Variants in LPIN3 observed in about 807,000 individuals in gnomAD.
LPIN3 encodes lipin 3, also known as phosphatidate phosphatase LPIN3.
Under a neutral mutation model 94.7 loss-of-function variants are expected in LPIN3, and 82 were observed. The observed-to-expected ratio is 0.87, with a 90% CI of 0.72 to 1.04. LPIN3 has a LOEUF of 1.04. Ranked by LOEUF, LPIN3 falls within the 50% of genes least tolerant of loss-of-function variation. The probability of loss-of-function intolerance (pLI) is 0.00; values close to 1 mark genes in which losing one functional copy is unlikely to be tolerated. For missense variants in LPIN3, 996 were observed against 1,090.5 expected, an observed-to-expected ratio of 0.91 and a Z score of 1.22; for synonymous variants, 418 against 443.3, an observed-to-expected ratio of 0.94 and a Z score of 0.72.
intron 19 of LPIN3, 77 bp downstream of exon 19, chr20:41,358,619 A>G: frequency 6.2e-7 from 1 of 1,602,226 alleles, no homozygotes; most frequent in Non-Finnish European, 8.5e-7. Context: ...CCCCAATTTT[A>G]CCTCTTACCG....
intron 1 of LPIN3, among the ~76,000 whole-genome samples, chr20:41,343,346 G>A (rs1329485483): frequency 6.6e-6 from 1 of 152,194 alleles, no homozygotes; most frequent in African/African-American, 2.4e-5. Flanking sequence ...CAGTGGTTTA[G>A]AGGTCTGCCC....
chr20:41,357,020 C>T lies in LPIN3; in HGVS notation c.1804-20C>T. The stretch of plus-strand genomic sequence containing the variant: ...CTGGCTGTCATCAATCACGACACAC[C>T]CCCCTTTGTCTGGCCTCAGCGGCGC... On this transcript the variant is annotated intron_variant, in intron 14 of 19. Coordinates refer to ENST00000373257, the MANE Select transcript of LPIN3 (RefSeq NM_022896.3). 1 of 1,605,370 alleles carries T rather than the reference C, an allele frequency of 6.2e-7. No individual in the cohort carries two copies.
At chr20:41,352,366 C>A in intron 9 of LPIN3, 146 bp downstream of exon 9, 1 of 993,920 alleles carries the variant, frequency 1.0e-6, no homozygotes, top group Non-Finnish European at 1.5e-6. Context: ...CCACACTCCG[C>A]CAGCAGGGGC....
chr20:41,357,788 T>C, intron 16 of LPIN3, 94 bp from the exon 17 acceptor site: 1 of 1,515,530 alleles, frequency 6.6e-7, no homozygotes, highest in Non-Finnish European at 9.0e-7. Context: ...AACATCAGAG[T>C]CCCACAGTTG....
In LPIN3 at chr20:41,359,085, T is replaced by C. The variant is rs1246562826; in HGVS notation, c.*219T>C. ...TCCAGGCGTCAGTGTGGCACTGTCC[T>C]GGGGCAATTAGCTTGTCATCTGGGC... is the stretch of plus-strand genomic sequence containing the variant. On this transcript the variant is annotated 3_prime_UTR_variant, in exon 20 of 20. Coordinates refer to ENST00000373257, the MANE Select transcript of LPIN3 (RefSeq NM_022896.3). 1 of 373,400 alleles carries C rather than the reference T, an allele frequency of 2.7e-6. No individual in the cohort carries two copies. The highest frequency in any genetic ancestry group is 4.3e-5 in the Admixed American group (1 of 23,198). The allele number at this position is 373,400 out of a possible 1,614,324, so 23.1% of individuals were successfully genotyped here.
At chr20:41,354,564 C>G (rs374084599) in intron 11 of LPIN3, 81 bp from the exon 12 acceptor site, 1 of 1,373,974 alleles carries the variant, frequency 7.3e-7, no homozygotes, top group Non-Finnish European at 9.9e-7. Flanking sequence ...TGGGCTCATG[C>G]GTGGAGGGTC....
Position 41,357,867 on chromosome 20 carries a change from G to A in LPIN3, c.2040-15G>A. 6.2e-7 allele frequency: 1 copy of A among 1,613,940 alleles called. No homozygotes were observed. Among genetic ancestry groups the A allele is most frequent in the Non-Finnish European group, 8.5e-7 (1 of 1,179,958 alleles). On this transcript the variant is annotated splice_polypyrimidine_tract_variant and intron_variant, in intron 16 of 19. Coordinates refer to ENST00000373257, the MANE Select transcript of LPIN3 (RefSeq NM_022896.3). ...GTCTCTGATGGCTCTATGCCACCCT[G>A]TCCCCCACTCTCAGAAATGGGTACA...
intron 5 of LPIN3, 112 bp from the exon 6 acceptor site, chr20:41,349,662 T>C (rs983851491): frequency 1.2e-5 from 15 of 1,297,594 alleles, no homozygotes; most frequent in Non-Finnish European, 1.6e-5. Flanking sequence ...TTATATATTA[T>C]GGATTCAACA....
At chr20:41,345,294 C>T (rs1309301448) in intron 1 of LPIN3, among the ~76,000 whole-genome samples, 3 of 152,330 alleles carry the variant, frequency 2.0e-5, no homozygotes, top group African/African-American at 7.2e-5. Flanking sequence ...CCAGTGGAAC[C>T]ACACAAACCT....
At position 41,354,856 on chromosome 20, in the gene LPIN3, C is replaced by G; in HGVS notation, c.1657C>G (p.Gln553Glu). The G allele has an allele frequency of 6.4e-7, 1 of 1,566,956 alleles. No individual in the cohort carries two copies. The highest frequency in any genetic ancestry group is 8.7e-7 in the Non-Finnish European group (1 of 1,155,578). ...AQKEKTAAKEQQGEKTEVLSS... is the reference protein window; with the variant it reads ...AQKEKTAAKEEQGEKTEVLSS... ...GAAGGAGAAGACTGCAGCCAAGGAG[C>G]AGCAGGGGTGAGTGAGACCCCCTAT... Residue 553 changes from glutamine (Q) to glutamate (E), a missense_variant, in exon 13 of 20, where the codon CAG (glutamine) becomes GAG (glutamate). Transcript: ENST00000373257.
chr20:41,356,569 G>T (rs957687516), intron 14 of LPIN3, among the ~76,000 whole-genome samples: 5 of 152,196 alleles, frequency 3.3e-5, no homozygotes, highest in African/African-American at 1.2e-4. Flanking sequence ...GTGGGAAGCG[G>T]CCCTGATCCT....
In LPIN3 at chr20:41,345,950, C is replaced by T. The variant is rs370435400; in HGVS notation, c.147C>T (p.His49=). The change falls in exon 2 of 20, where the codon CAC becomes CAT. Residue 49 remains histidine (H), a synonymous_variant. Coordinates refer to ENST00000373257, the MANE Select transcript of LPIN3 (RefSeq NM_022896.3). ...VDGSFRCSPF[H]VRFGKLGVLR... ...GCTCGTTCCGGTGCTCACCCTTCCA[C>T]GTGCGTTTTGGCAAGCTGGGCGTCC... The T allele has an allele frequency of 5.6e-5, 91 of 1,614,166 alleles. No individual in the cohort carries two copies. Among genetic ancestry groups the T allele is most frequent in the East Asian group, 4.9e-4 (22 of 44,882 alleles).
intron 18 of LPIN3, 29 bp downstream of exon 18, chr20:41,358,380 C>T (rs1375681035): frequency 6.2e-7 from 1 of 1,612,722 alleles, no homozygotes; most frequent in South Asian, 1.1e-5. Flanking sequence ...CTCTGCTGAG[C>T]CACCTCTCCC....
rs765297193 is a variant in LPIN3, at chr20:41,357,991, C to G, written c.2149C>G (p.Pro717Ala). 1 of 1,612,024 alleles carries G rather than the reference C, an allele frequency of 6.2e-7. No individual in the cohort carries two copies. Among genetic ancestry groups the G allele is most frequent in the Non-Finnish European group, 8.5e-7 (1 of 1,179,134 alleles). The change falls in exon 17 of 20, where the codon CCC becomes GCC. Residue 717 changes from proline to alanine, a missense_variant. Transcript: ENST00000373257. ...SEGGCSLPKG[P>A]ILLSPSSLFS... ...GGGGGGCTGTAGCCTCCCCAAGGGC[C>G]CCATCCTTCTGTCTCCCAGCAGCCT...
At position 41,357,112 on chromosome 20, in the gene LPIN3, C is replaced by T. The variant is rs772286289; in HGVS notation, c.1876C>T (p.Arg626Cys). 6.8e-6 allele frequency: 11 copies of T among 1,614,136 alleles called. No homozygotes were observed. The highest frequency in any genetic ancestry group is 1.7e-4 in the Middle Eastern group (1 of 6,058). Residue 626 changes from arginine (R) to cysteine (C), a missense_variant, in exon 15 of 20, where the codon CGC becomes TGC. Transcript: ENST00000373257. ...GACCACTCAGTACCAGGGCACCTGCCGCTGCAAGGCCACCATCTACCTGTG... is the reference window on the plus strand; with the variant it reads ...GACCACTCAGTACCAGGGCACCTGCTGCTGCAAGGCCACCATCTACCTGTG... ...SVTTQYQGTC[R>C]CKATIYLWKW...
chr20:41,353,985 C>T (rs900522015), intron 11 of LPIN3, among the ~76,000 whole-genome samples: 12 of 152,338 alleles, frequency 7.9e-5, no homozygotes, highest in African/African-American at 2.9e-4. Context: ...AGCCTGTTCC[C>T]AGCTCAAGGG....
intron 7 of LPIN3, 23 bp downstream of exon 7, chr20:41,350,420 C>T (rs775104791): frequency 1.3e-6 from 2 of 1,523,208 alleles, no homozygotes; most frequent in South Asian, 2.5e-5. Flanking sequence ...GGGTCTCTCC[C>T]ACTGCCTCCC....
Position 41,354,859 on chromosome 20 carries a change from C to T in LPIN3, c.1660C>T (p.Gln554Ter), listed in dbSNP as rs1434165117. Residue 554 changes from glutamine (Q) to a stop codon, truncating the protein, a stop_gained, in exon 13 of 20, where the codon CAG becomes TAG. Coordinates refer to ENST00000373257, the MANE Select transcript of LPIN3 (RefSeq NM_022896.3). LOFTEE classifies it high-confidence loss of function. Reference sequence around the variant, plus strand: ...GGAGAAGACTGCAGCCAAGGAGCAGCAGGGGTGAGTGAGACCCCCTATTGG... The same window carrying T: ...GGAGAAGACTGCAGCCAAGGAGCAGTAGGGGTGAGTGAGACCCCCTATTGG... ...QKEKTAAKEQ[Q>*]GEKTEVLSSD... 1.3e-6 allele frequency: 2 copies of T among 1,564,188 alleles called. No homozygotes were observed. Among genetic ancestry groups the T allele is most frequent in the East Asian group, 2.4e-5 (1 of 41,878 alleles).
At chr20:41,353,516 G>A (rs1216774899) in intron 11 of LPIN3, among the ~76,000 whole-genome samples, 2 of 152,228 alleles carry the variant, frequency 1.3e-5, no homozygotes, top group Admixed American at 6.5e-5. Context: ...TGCCCGCTGT[G>A]CAGAGATTGA....
Sources: allele counts gnomAD v4.1 joint callset (sites outside exome capture counted in the v4.1 genomes callset), GRCh38; gene constraint gnomAD v4.1.1; transcripts MANE v1.5; gene names NCBI Gene and HGNC (gene_info 2026-07-23, HGNC 2026-07-21).